The following ADGRD1 variants were observed in gnomAD, a reference collection of about 807,000 sequenced individuals.
ADGRD1 encodes adhesion G protein-coupled receptor D1.
Under a neutral mutation model 113.4 loss-of-function variants are expected in ADGRD1, and 77 were observed. The observed-to-expected ratio is 0.68, with a 90% CI of 0.57 to 0.82. ADGRD1 has a LOEUF of 0.82. ADGRD1 is among the 40% of genes least tolerant of loss of function. The pLI is 0.00. For missense variants in ADGRD1, 1,036 were observed against 1,139.1 expected (o/e 0.91, Z 1.30); for synonymous variants, 474 against 475.0 (o/e 1.00, Z 0.03).
Position 131,104,246 on chromosome 12 carries a change from G to A in ADGRD1, c.1672-585G>A, listed in dbSNP as rs550505635. Among the ~76,000 whole-genome samples the A allele has an allele frequency of 6.8e-4, 103 of 151,646 alleles. 1 individual carries two copies. The South Asian group carries it at 0.021, about 31-fold the overall frequency. ...GTTGTGGCCTCAGGCGGGGGCGGTA[G>A]CCAGCTCTTCCCTAGCACTACTTTG... On this transcript the variant is annotated intron_variant, in intron 15 of 24. Coordinates refer to ENST00000261654, the MANE Select transcript of ADGRD1 (RefSeq NM_198827.5).
chr12:131,123,051 T>G lies in ADGRD1; in HGVS notation c.2175+2138T>G, dbSNP rs561192337. Among the ~76,000 whole-genome samples, 355 of 123,598 alleles carry G rather than the reference T, an allele frequency of 2.9e-3. 3 individuals carry two copies. Among genetic ancestry groups the G allele is most frequent in the South Asian group, 0.01 (35 of 3,430 alleles). The allele number at this position is 123,598 out of a possible 152,430, so 81.1% of individuals were successfully genotyped here. On this transcript the variant is annotated intron_variant, in intron 20 of 24. Coordinates refer to ENST00000261654, the MANE Select transcript of ADGRD1 (RefSeq NM_198827.5). The stretch of plus-strand genomic sequence containing the variant: ...AATTACCTGGGGAGTTTTTTTTTTT[T>G]TTTTTTTTTTTTTTTTTTTTTTGCG...
Position 131,057,072 on chromosome 12 carries a change from G to C in ADGRD1, c.1474-19729G>C, listed in dbSNP as rs1406587191. The stretch of plus-strand genomic sequence containing the variant: ...ATGGTAGCATTGTCCACAATGATTA[G>C]AGTAACGGGATAAAATTTAGAGAGA... On this transcript the variant is annotated intron_variant, in intron 13 of 24. Transcript: ENST00000261654. The surrounding 1 kb of genome is among the most constrained non-coding windows in gnomAD (Gnocchi z 4.2). Among the ~76,000 whole-genome samples the C allele has an allele frequency of 6.6e-6, 1 of 152,200 alleles. No individual in the cohort carries two copies. The highest frequency in any genetic ancestry group is 1.5e-5 in the Non-Finnish European group (1 of 68,042).
intron 16 of ADGRD1, 103 bp from the exon 17 acceptor site, chr12:131,105,651 C>T: frequency 2.5e-6 from 2 of 795,018 alleles, no homozygotes; most frequent in Non-Finnish European, 4.2e-6. Context: ...CCTCTGGCTG[C>T]TCTTGGAGGA....
chr12:131,009,699 C>T (rs575181331), intron 12 of ADGRD1, among the ~76,000 whole-genome samples: 10 of 152,030 alleles, frequency 6.6e-5, no homozygotes, highest in South Asian at 2.1e-4. Flanking sequence ...GGTGTATGTG[C>T]GTTATGTGTG....
At chr12:131,118,187 G>A (rs533951008) in intron 18 of ADGRD1, among the ~76,000 whole-genome samples, 198 bp from the exon 19 acceptor site, 3 of 152,372 alleles carry the variant, frequency 2.0e-5, no homozygotes, top group Admixed American at 6.5e-5. Context: ...GAGTGTGTGT[G>A]TGTTATTCCT....
At chr12:131,073,630 G>T (rs1399639193) in intron 13 of ADGRD1, among the ~76,000 whole-genome samples, 1 of 152,184 alleles carries the variant, frequency 6.6e-6, no homozygotes, top group Non-Finnish European at 1.5e-5. Context: ...GAATATCTGA[G>T]ACTGGGTAAT....
chr12:130,982,093 C>T (rs754160711), intron 5 of ADGRD1, 30 bp downstream of exon 5: 1 of 1,593,026 alleles, frequency 6.3e-7, no homozygotes, highest in South Asian at 1.1e-5. Context: ...CCGGGAGGCT[C>T]TGCCTGGAGG....
intron 15 of ADGRD1, among the ~76,000 whole-genome samples, chr12:131,089,417 A>G (rs929357308): frequency 1.3e-5 from 2 of 152,366 alleles, no homozygotes; most frequent in East Asian, 1.9e-4. Context: ...GGAGCCATTT[A>G]TTGAATGCTG....
chr12:131,038,535 G>A (rs945518097), intron 13 of ADGRD1, among the ~76,000 whole-genome samples: 3 of 152,230 alleles, frequency 2.0e-5, no homozygotes, highest in Non-Finnish European at 4.4e-5. Flanking sequence ...CAGAGGGGCC[G>A]ATACTACAGT....
intron 12 of ADGRD1, among the ~76,000 whole-genome samples, chr12:131,007,053 G>A (rs540485177): frequency 9.2e-5 from 14 of 152,362 alleles, no homozygotes; most frequent in African/African-American, 3.4e-4. Context: ...TATATGAGAC[G>A]TGCATTTGTG....
rs375331426 is a variant in ADGRD1 at position 131,084,576 on chromosome 12, G to A, written c.1584G>A (p.Ala528=). 125 of 1,613,950 alleles carry A rather than the reference G, an allele frequency of 7.7e-5. No individual in the cohort carries two copies. Among genetic ancestry groups the A allele is most frequent in the South Asian group, 2.9e-4 (26 of 91,086 alleles). ...GEGVWSNHGC[A]LTRGNLTYSV... is the part of the protein sequence containing the mutation. ...GGGTCTGGTCGAACCACGGCTGTGC[G>A]CTCACGAGAGGAAACCTCACCTACT... Residue 528 remains alanine (A), a synonymous_variant, in exon 15 of 25, where the codon GCG becomes GCA. Coordinates refer to ENST00000261654, the MANE Select transcript of ADGRD1 (RefSeq NM_198827.5). This position sits in a 1 kb window ranked among gnomAD's most constrained non-coding sequence, Gnocchi z 4.5.
Position 131,104,885 on chromosome 12 carries a change from C to T in ADGRD1, c.1726C>T (p.Leu576Phe). 1 of 1,551,428 alleles carries T rather than the reference C, an allele frequency of 6.4e-7. No homozygotes were observed. The highest frequency in any genetic ancestry group is 1.2e-5 in the South Asian group (1 of 84,030). The part of the protein sequence containing the change: ...LSSISYVGCS[L>F]SVLCLVATLV... ...GTCTATCAGCTATGTGGGCTGCTCC[C>T]TCTCCGTGCTCTGCCTGGTGGCCAC... The change falls in exon 16 of 25, where the codon CTC (leucine) becomes TTC (phenylalanine). Residue 576 changes from leucine to phenylalanine, a missense_variant. Coordinates refer to ENST00000261654, the MANE Select transcript of ADGRD1 (RefSeq NM_198827.5).
At position 131,125,179 on chromosome 12, in the gene ADGRD1, C is replaced by G. The variant is rs76019368; in HGVS notation, c.2175+4266C>G. The stretch of plus-strand genomic sequence containing the variant: ...AATTATGTCTTTAAAGAACCTGTCT[C>G]TAAGTGGTCTTGTTCTTAGGTACGG... On this transcript the variant is annotated intron_variant, in intron 20 of 24. Coordinates refer to ENST00000261654, the MANE Select transcript of ADGRD1 (RefSeq NM_198827.5). 2.5e-3 allele frequency among the ~76,000 whole-genome samples: 381 copies of G among 152,298 alleles called. 4 individuals carry two copies. The East Asian group carries it at 0.063, about 25-fold the overall frequency.
chr12:131,072,487 C>A (rs1885266430), intron 13 of ADGRD1, among the ~76,000 whole-genome samples: 1 of 152,218 alleles, frequency 6.6e-6, no homozygotes. Context: ...TGTTTCTTGG[C>A]TGTGCTCAGT....
At position 131,111,028 on chromosome 12, in the gene ADGRD1, TG is replaced by T. The variant is rs200341207; in HGVS notation, c.2041+2152del. 5.1e-3 allele frequency among the ~76,000 whole-genome samples: 783 copies of T among 152,362 alleles called. 3 individuals carry two copies. The highest frequency in any genetic ancestry group is 8.8e-3 in the Admixed American group (135 of 15,308). On this transcript the variant is annotated intron_variant, in intron 18 of 24. Transcript: ENST00000261654. ...AAGAATTGTTTTTCTGTTGATTCTTTGAGGACTTTCTCTTTGTCTTTCAGCA... is the reference window on the plus strand; with the variant it reads ...AAGAATTGTTTTTCTGTTGATTCTTTAGGACTTTCTCTTTGTCTTTCAGCA...
At chr12:131,070,745 G>T (rs898766217) in intron 13 of ADGRD1, 21 of 503,494 alleles carry the variant, frequency 4.2e-5, no homozygotes, top group Admixed American at 3.9e-5. Flanking sequence ...ATCCTGGGCG[G>T]AACCTTCCTG....
chr12:131,027,391 A>G lies in ADGRD1; in HGVS notation c.1473+13051A>G, dbSNP rs905156700. ...TTCAGTTTTTAAATTTACCATGTCT[A>G]TATTTCCGTGCCAGTAGCTCAGACT... On this transcript the variant is annotated intron_variant, in intron 13 of 24. Coordinates refer to ENST00000261654, the MANE Select transcript of ADGRD1 (RefSeq NM_198827.5). The surrounding 1 kb of genome is among the most constrained non-coding windows in gnomAD (Gnocchi z 5.1). 2 of 152,194 alleles carry G rather than the reference A, an allele frequency of 1.3e-5. No homozygotes were observed. The highest frequency in any genetic ancestry group is 1.9e-4 in the East Asian group (1 of 5,180). The allele number at this position is 152,194 out of a possible 1,614,324, so 9.4% of individuals were successfully genotyped here. A position where few individuals can be genotyped will look rare whatever the true frequency, so the allele number is the denominator to read the frequency against.
intron 19 of ADGRD1, among the ~76,000 whole-genome samples, chr12:131,119,598 C>T (rs1950543854): frequency 6.6e-6 from 1 of 152,246 alleles, no homozygotes; most frequent in South Asian, 2.1e-4. Context: ...TCAGGAAGCT[C>T]ACCAGGTTTC....
At chr12:131,045,846 G>C (rs1387283143) in intron 13 of ADGRD1, among the ~76,000 whole-genome samples, 12 of 152,088 alleles carry the variant, frequency 7.9e-5, no homozygotes, top group Non-Finnish European at 4.4e-5. Flanking sequence ...CAAGGTGATA[G>C]CGCCCGTCCT....
Sources: gnomAD v4.1 joint callset for allele counts (sites outside exome capture counted in the v4.1 genomes callset) on GRCh38, gnomAD v4.1.1 for gene constraint, Gnocchi (gnomAD v3.1) non-coding constraint, MANE v1.5 for transcripts, NCBI Gene and HGNC (gene_info 2026-07-23, HGNC 2026-07-21) for gene names.